The following NAV2 variants were observed in gnomAD, a reference collection of about 807,000 sequenced individuals.
NAV2 encodes neuron navigator 2.
In NAV2, 54 loss-of-function variants were observed where a neutral mutation model predicts 223.2. That is an observed-to-expected ratio of 0.24 (90% CI 0.19 to 0.30). The LOEUF is 0.30. Among genes scored for constraint, NAV2 ranks in the 10% least tolerant of loss-of-function variants. The pLI, the probability that NAV2 is intolerant of heterozygous loss-of-function variation, is 1.00. For synonymous variants in NAV2, 1,279 were observed against 1,239.3 expected, an observed-to-expected ratio of 1.03 and a Z score of -0.67; for missense variants, 2,806 against 3,147.5, an observed-to-expected ratio of 0.89 and a Z score of 2.60.
intron 1 of NAV2, among the ~76,000 whole-genome samples, chr11:19,378,191 GC>G (rs1296426986): frequency 2.0e-5 from 3 of 152,134 alleles, no homozygotes; most frequent in Non-Finnish European, 4.4e-5. Flanking sequence ...CACAGCCCCA[GC>G]CCCCCTACAC....
At chr11:19,614,029 C>T (rs983806715) in intron 1 of NAV2, among the ~76,000 whole-genome samples, 1 of 152,192 alleles carries the variant, frequency 6.6e-6, no homozygotes, top group Admixed American at 6.5e-5. Flanking sequence ...GGTGAGCTTC[C>T]TTCCTTCAGG....
At chr11:19,463,063 A>G (rs2133873599) in intron 1 of NAV2, among the ~76,000 whole-genome samples, 1 of 152,370 alleles carries the variant, frequency 6.6e-6, no homozygotes, top group South Asian at 2.1e-4. Context: ...TCCTGTGTCC[A>G]TTACTATGTG....
intron 6 of NAV2, among the ~76,000 whole-genome samples, chr11:19,910,844 C>T (rs185209621): frequency 6.6e-6 from 1 of 151,932 alleles, no homozygotes; most frequent in Non-Finnish European, 1.5e-5. Flanking sequence ...GGTGACAGAG[C>T]GAGACTCTGT....
intron 37 of NAV2, among the ~76,000 whole-genome samples, chr11:20,116,695 C>A (rs2063123177): frequency 6.6e-6 from 1 of 152,214 alleles, no homozygotes; most frequent in African/African-American, 2.4e-5. Flanking sequence ...AAACAGATTT[C>A]TCCTTCCAAC....
chr11:19,882,016 C>G (rs1485217850), intron 5 of NAV2, among the ~76,000 whole-genome samples: 1 of 152,186 alleles, frequency 6.6e-6, no homozygotes, highest in South Asian at 2.1e-4. Flanking sequence ...CTGTGGCACT[C>G]AGGCCCCGTC....
intron 1 of NAV2, among the ~76,000 whole-genome samples, chr11:19,729,652 C>A (rs533007240): frequency 2.6e-5 from 4 of 152,154 alleles, no homozygotes; most frequent in Admixed American, 1.3e-4. Flanking sequence ...CTCAGGGCAC[C>A]AGAGTGGGCT....
chr11:19,908,386 A>C (rs1186642953), intron 6 of NAV2, among the ~76,000 whole-genome samples: 1 of 152,030 alleles, frequency 6.6e-6, no homozygotes, highest in Non-Finnish European at 1.5e-5. Context: ...TTCCTCCGTT[A>C]ACCTCTTCCT....
At chr11:19,557,091 A>G (rs2044919445) in intron 1 of NAV2, among the ~76,000 whole-genome samples, 1 of 152,264 alleles carries the variant, frequency 6.6e-6, no homozygotes, top group East Asian at 1.9e-4. Context: ...AAATAAGCAA[A>G]TGAACAAAGA....
intron 1 of NAV2, among the ~76,000 whole-genome samples, chr11:19,755,589 C>G (rs902752927): frequency 1.3e-5 from 2 of 152,252 alleles, no homozygotes; most frequent in African/African-American, 4.8e-5. Context: ...CTATGCTTCT[C>G]TCTTAGCTTC....
At chr11:19,587,281 C>G (rs984767746) in intron 1 of NAV2, among the ~76,000 whole-genome samples, 1 of 152,298 alleles carries the variant, frequency 6.6e-6, no homozygotes, top group Admixed American at 6.5e-5. Context: ...CCTGTCACCC[C>G]TTTCTTTGAC....
At chr11:19,987,982 G>T (rs1444126735) in intron 11 of NAV2, among the ~76,000 whole-genome samples, 1 of 152,214 alleles carries the variant, frequency 6.6e-6, no homozygotes, top group Non-Finnish European at 1.5e-5. Flanking sequence ...GGCAAGGAGG[G>T]CCAAGACTAG....
chr11:19,793,265 C>CTGCCCTGGATT (rs1423377391), intron 1 of NAV2, among the ~76,000 whole-genome samples: 2 of 149,680 alleles, frequency 1.3e-5, no homozygotes, highest in African/African-American at 2.5e-5. Flanking sequence ...GATGGAGGTG[C>CTGCCCTGGATT]TGCCCTGGAT....
intron 1 of NAV2, among the ~76,000 whole-genome samples, chr11:19,613,068 A>G (rs899362915): frequency 2.0e-5 from 3 of 152,332 alleles, no homozygotes; most frequent in African/African-American, 7.2e-5. Context: ...GAAACCCCTG[A>G]TAAACCCATC....
At chr11:19,856,715 A>G (rs2052675792) in intron 3 of NAV2, among the ~76,000 whole-genome samples, 1 of 152,240 alleles carries the variant, frequency 6.6e-6, no homozygotes, top group Non-Finnish European at 1.5e-5. Context: ...AGGGTGTTCT[A>G]TAAAGGCAGA....
At chr11:19,690,484 G>A (rs1047788344) in intron 1 of NAV2, among the ~76,000 whole-genome samples, 1 of 152,030 alleles carries the variant, frequency 6.6e-6, no homozygotes, top group Non-Finnish European at 1.5e-5. Context: ...TATCTTTTAG[G>A]GTCATTGTGA....
intron 1 of NAV2, among the ~76,000 whole-genome samples, chr11:19,686,895 T>A (rs1015799803): frequency 6.6e-6 from 1 of 152,254 alleles, no homozygotes; most frequent in South Asian, 2.1e-4. Context: ...ACCCTTCATA[T>A]GCAGTACAGG....
intron 1 of NAV2, among the ~76,000 whole-genome samples, chr11:19,751,030 C>T (rs1216202332): frequency 2.0e-5 from 3 of 152,152 alleles, no homozygotes; most frequent in Admixed American, 6.5e-5. Flanking sequence ...GCATCTCTTC[C>T]CAATTTCACA....
intron 1 of NAV2, among the ~76,000 whole-genome samples, chr11:19,434,997 G>A (rs1053081023): frequency 4.6e-5 from 7 of 151,622 alleles, no homozygotes; most frequent in African/African-American, 1.5e-4. Flanking sequence ...ATATATTTAC[G>A]GGGTATGGTA....
At chr11:19,642,679 T>TA (rs2047698341) in intron 1 of NAV2, among the ~76,000 whole-genome samples, 1 of 152,186 alleles carries the variant, frequency 6.6e-6, no homozygotes, top group Non-Finnish European at 1.5e-5. Context: ...TCTCAGCATC[T>TA]GTGCCAATTC....
Sources: allele counts gnomAD v4.1 joint callset (sites outside exome capture counted in the v4.1 genomes callset), GRCh38; gene constraint gnomAD v4.1.1; transcripts MANE v1.5; gene names NCBI Gene and HGNC (gene_info 2026-07-23, HGNC 2026-07-21).